The following ANKS1B variants were observed in gnomAD, a reference collection of about 807,000 sequenced individuals.
ANKS1B encodes ankyrin repeat and sterile alpha motif domain containing 1B.
Under a neutral mutation model 148.3 loss-of-function variants are expected in ANKS1B, and 36 were observed. That is an observed-to-expected ratio of 0.24 (90% confidence interval 0.19 to 0.32). The LOEUF (loss-of-function observed/expected upper bound fraction) is 0.32, where lower values mean the gene tolerates loss of function less well. ANKS1B is among the 10% of genes least tolerant of loss of function. The probability of loss-of-function intolerance (pLI) is 1.00; values close to 1 mark genes in which losing one functional copy is unlikely to be tolerated. For synonymous variants in ANKS1B, 542 were observed against 560.8 expected (o/e 0.97, Z 0.47); for missense variants, 1,157 against 1,542.6 (o/e 0.75, Z 4.19).
chr12:99,276,445 T>C (rs560669538), intron 12 of ANKS1B, among the ~76,000 whole-genome samples: 2 of 152,188 alleles, frequency 1.3e-5, no homozygotes, highest in African/African-American at 2.4e-5. Context: ...CTTATAAAAA[T>C]AGGAAATTTG....
intron 15 of ANKS1B, among the ~76,000 whole-genome samples, chr12:99,118,650 A>G (rs931855100): frequency 6.6e-6 from 1 of 152,218 alleles, no homozygotes; most frequent in African/African-American, 2.4e-5. Context: ...ATAATCTTCT[A>G]TTCATATGCT....
intron 17 of ANKS1B, among the ~76,000 whole-genome samples, chr12:98,892,158 A>C (rs2099754042): frequency 6.6e-6 from 1 of 152,250 alleles, no homozygotes; most frequent in Non-Finnish European, 1.5e-5. Flanking sequence ...GGGCATCAAT[A>C]AACTCTCCTT....
chr12:99,232,946 G>T, intron 14 of ANKS1B, among the ~76,000 whole-genome samples: 1 of 151,936 alleles, frequency 6.6e-6, no homozygotes, highest in East Asian at 1.9e-4. Flanking sequence ...TCTGAAATCC[G>T]AAATGCTCCC....
chr12:99,705,338 G>A (rs553856753), intron 8 of ANKS1B, among the ~76,000 whole-genome samples: 1 of 152,002 alleles, frequency 6.6e-6, no homozygotes, highest in East Asian at 1.9e-4. Flanking sequence ...ACTGGATGTT[G>A]ACATTCCTGT....
Position 98,751,604 on chromosome 12 carries a change from G to A in ANKS1B, c.3580-82C>T. On this transcript the variant is annotated intron_variant, in intron 25 of 26. Transcript: ENST00000683438. The surrounding 1 kb of genome is among the most constrained non-coding windows in gnomAD (Gnocchi z 4.3). Reference sequence around the variant, plus strand: ...GAATGGCTGAGGAACACTGAGGGAGGTGAACTAGGGAGGAACTTGAACTAC... The same window carrying A: ...GAATGGCTGAGGAACACTGAGGGAGATGAACTAGGGAGGAACTTGAACTAC... 7.4e-7 allele frequency: 1 copy of A among 1,356,832 alleles called. No individual in the cohort carries two copies. Among genetic ancestry groups the A allele is most frequent in the Non-Finnish European group, 1.0e-6 (1 of 969,100 alleles). The allele number at this position is 1,356,832 out of a possible 1,614,324, so 84.0% of individuals were successfully genotyped here.
At chr12:99,294,274 T>A (rs2080497958) in intron 12 of ANKS1B, among the ~76,000 whole-genome samples, 1 of 152,182 alleles carries the variant, frequency 6.6e-6, no homozygotes, top group Non-Finnish European at 1.5e-5. Flanking sequence ...GGAAGCAACC[T>A]TTTGTCCATC....
intron 9 of ANKS1B, among the ~76,000 whole-genome samples, chr12:99,637,809 T>TATATA (rs1330462704): frequency 1.4e-5 from 2 of 147,292 alleles, no homozygotes; most frequent in Non-Finnish European, 3.0e-5. Flanking sequence ...ATATAATATA[T>TATATA]ATATAATATA....
At chr12:99,112,639 A>G (rs2060530229) in intron 15 of ANKS1B, among the ~76,000 whole-genome samples, 1 of 152,142 alleles carries the variant, frequency 6.6e-6, no homozygotes, top group Non-Finnish European at 1.5e-5. Context: ...CAGGTACATA[A>G]CAGATACACC....
chr12:99,201,015 T>C (rs1371630352), intron 14 of ANKS1B, among the ~76,000 whole-genome samples: 1 of 152,064 alleles, frequency 6.6e-6, no homozygotes, highest in Non-Finnish European at 1.5e-5. Flanking sequence ...GGAGGAAGCA[T>C]GTAGCAGGCA....
intron 14 of ANKS1B, among the ~76,000 whole-genome samples, chr12:99,237,551 T>C (rs1010882579): frequency 6.6e-6 from 1 of 152,182 alleles, no homozygotes; most frequent in African/African-American, 2.4e-5. Flanking sequence ...TAAAACCAAC[T>C]ATTTGTGAAA....
chr12:99,276,003 A>T (rs1029587308), intron 12 of ANKS1B, among the ~76,000 whole-genome samples: 1 of 152,212 alleles, frequency 6.6e-6, no homozygotes, highest in Non-Finnish European at 1.5e-5. Context: ...AGAATGCCAG[A>T]AGTAGTAAAT....
intron 1 of ANKS1B, among the ~76,000 whole-genome samples, chr12:99,909,217 C>CATATGTGT (rs1399208524): frequency 2.9e-5 from 4 of 137,314 alleles, no homozygotes; most frequent in African/African-American, 1.1e-4. Context: ...AATATTCCAT[C>CATATGTGT]GTGTGTGTGT....
intron 19 of ANKS1B, among the ~76,000 whole-genome samples, chr12:98,822,917 C>A (rs939006695): frequency 2.0e-5 from 3 of 152,248 alleles, no homozygotes; most frequent in Non-Finnish European, 4.4e-5. Context: ...ATTCACAAGA[C>A]ACTAATCATA....
intron 25 of ANKS1B, among the ~76,000 whole-genome samples, chr12:98,757,599 G>C (rs528690387): frequency 1.9e-4 from 29 of 152,260 alleles, no homozygotes; most frequent in African/African-American, 6.7e-4. Flanking sequence ...TGATCACAGT[G>C]AGCACTAAGG....
chr12:99,526,003 A>C (rs1162588244), intron 9 of ANKS1B, among the ~76,000 whole-genome samples: 1 of 152,144 alleles, frequency 6.6e-6, no homozygotes, highest in Admixed American at 6.5e-5. Context: ...AAGAGAAAAA[A>C]ATGAGCAAAG....
chr12:99,285,292 GT>G (rs1324047059), intron 12 of ANKS1B, among the ~76,000 whole-genome samples: 1 of 152,106 alleles, frequency 6.6e-6, no homozygotes, highest in Non-Finnish European at 1.5e-5. Context: ...TATATTAATA[GT>G]TCATTCCTTT....
intron 16 of ANKS1B, among the ~76,000 whole-genome samples, chr12:99,082,031 G>C (rs1389902313): frequency 6.6e-6 from 1 of 152,116 alleles, no homozygotes; most frequent in African/African-American, 2.4e-5. Flanking sequence ...AACAAGGACA[G>C]GGCCATAAAA....
intron 10 of ANKS1B, among the ~76,000 whole-genome samples, chr12:99,483,539 T>C (rs1595680476): frequency 1.3e-5 from 2 of 152,026 alleles, no homozygotes; most frequent in African/African-American, 4.8e-5. Flanking sequence ...ATTCCCTCTT[T>C]CTTAACCTTT....
At chr12:99,921,316 C>T (rs114574040) in intron 1 of ANKS1B, among the ~76,000 whole-genome samples, 2,414 of 152,122 alleles carry the variant, frequency 0.016, 78 homozygotes, top group African/African-American at 0.055. Context: ...TCTCTCCTGC[C>T]GCCTTGTGAA....
Sources: allele counts gnomAD v4.1 joint callset (sites outside exome capture counted in the v4.1 genomes callset), GRCh38; gene constraint gnomAD v4.1.1; non-coding constraint Gnocchi (gnomAD v3.1); transcripts MANE v1.5; gene names NCBI Gene and HGNC (gene_info 2026-07-23, HGNC 2026-07-21).